RNF214: variants seen among roughly 807,000 people sequenced by gnomAD.
RNF214 encodes the protein ring finger protein 214.
In RNF214, 25 loss-of-function variants were observed where a neutral mutation model predicts 75.9. The observed-to-expected ratio is 0.33, with a 90% confidence interval of 0.24 to 0.46. The LOEUF is 0.46. RNF214 is among the 20% of genes least tolerant of loss of function. The pLI, the probability that RNF214 is intolerant of heterozygous loss-of-function variation, is 1.00. For synonymous variants in RNF214, 314 were observed against 308.8 expected (o/e 1.02, Z -0.18); for missense variants, 725 against 857.5 (o/e 0.85, Z 1.93).
chr11:117,255,284 T>G (rs1236557012), intron 6 of RNF214, among the ~76,000 whole-genome samples: 1 of 152,196 alleles, frequency 6.6e-6, no homozygotes, highest in East Asian at 1.9e-4. Flanking sequence ...TCCTTGTATC[T>G]GAGTCTATAA....
At chr11:117,253,650 T>G (rs752890112) in intron 6 of RNF214, among the ~76,000 whole-genome samples, 5 of 152,032 alleles carry the variant, frequency 3.3e-5, no homozygotes, top group Non-Finnish European at 7.4e-5. Flanking sequence ...GAGACCAGCC[T>G]GGGCAATATA....
intron 9 of RNF214, 38 bp downstream of exon 9, chr11:117,281,442 G>C (rs367870044): frequency 2.8e-5 from 43 of 1,513,728 alleles, no homozygotes; most frequent in Middle Eastern, 1.7e-4. Flanking sequence ...GTCAGTGTTA[G>C]TCTGTGCTTA....
Position 117,238,728 on chromosome 11 carries a change from G to A in RNF214, c.235G>A (p.Gly79Ser), listed in dbSNP as rs749153248. 3 of 1,614,194 alleles carry A rather than the reference G, an allele frequency of 1.9e-6. No individual in the cohort carries two copies. Among genetic ancestry groups the A allele is most frequent in the Non-Finnish European group, 2.5e-6 (3 of 1,180,040 alleles). The change falls in exon 3 of 15, where the codon GGT becomes AGT. Residue 79 changes from glycine to serine, a missense_variant. Around this residue, in one of 2 missense-constraint regions of RNF214, gnomAD observed 362 missense variants for 344.5 expected, o/e 1.05. Transcript: ENST00000300650. ...HSEQNPGSSA[G>S]DTSAAHQVVL... ...AGAGCAGAATCCTGGTTCATCAGCA[G>A]GTGACACCTCAGCAGCGCACCAGGT...
At chr11:117,274,945 CTG>C (rs566235865) in intron 6 of RNF214, among the ~76,000 whole-genome samples, 139 of 152,122 alleles carry the variant, frequency 9.1e-4, no homozygotes, top group African/African-American at 3.2e-3. Flanking sequence ...CCAGAAACAA[CTG>C]AGATTACAGG....
chr11:117,232,983 C>T (rs1371690211), intron 1 of RNF214, among the ~76,000 whole-genome samples: 5 of 151,866 alleles, frequency 3.3e-5, no homozygotes, highest in Admixed American at 1.3e-4. Flanking sequence ...TAGCAGTCCC[C>T]TGTGGGGGGT....
intron 6 of RNF214, among the ~76,000 whole-genome samples, chr11:117,278,973 C>T (rs182770140): frequency 3.3e-5 from 5 of 152,162 alleles, no homozygotes; most frequent in Non-Finnish European, 7.4e-5. Context: ...GGCTTGTGTC[C>T]GTAGTCCCAG....
chr11:117,238,040 G>A (rs902515599), intron 2 of RNF214, among the ~76,000 whole-genome samples: 10 of 152,116 alleles, frequency 6.6e-5, no homozygotes, highest in Non-Finnish European at 1.3e-4. Context: ...TAATTCATCG[G>A]TATCCCCAAA....
chr11:117,270,623 T>G (rs1391924083), intron 6 of RNF214, among the ~76,000 whole-genome samples: 1 of 151,484 alleles, frequency 6.6e-6, no homozygotes, highest in Non-Finnish European at 1.5e-5. Flanking sequence ...AATTTTTGTA[T>G]TTTTAGTACA....
intron 6 of RNF214, among the ~76,000 whole-genome samples, chr11:117,267,329 T>C (rs2033817512): frequency 6.6e-6 from 1 of 152,164 alleles, no homozygotes; most frequent in South Asian, 2.1e-4. Flanking sequence ...ATCACCTTCT[T>C]CTTGGAGGTT....
chr11:117,247,969 T>G (rs2033272190), intron 6 of RNF214, among the ~76,000 whole-genome samples: 1 of 152,234 alleles, frequency 6.6e-6, no homozygotes, highest in South Asian at 2.1e-4. Flanking sequence ...AGTAACATTG[T>G]AAGCTGTTTG....
chr11:117,274,658 C>T (rs183266310), intron 6 of RNF214, among the ~76,000 whole-genome samples: 6 of 145,352 alleles, frequency 4.1e-5, no homozygotes, highest in Admixed American at 2.8e-4. Flanking sequence ...CGTGAGCGAC[C>T]GTGCCCAGCC....
At chr11:117,276,917 A>T (rs2034026069) in intron 6 of RNF214, among the ~76,000 whole-genome samples, 1 of 152,226 alleles carries the variant, frequency 6.6e-6, no homozygotes, top group African/African-American at 2.4e-5. Context: ...GGCTAGATGG[A>T]TTGACTCTGT....
intron 6 of RNF214, among the ~76,000 whole-genome samples, chr11:117,277,783 C>A (rs2034042954): frequency 6.6e-6 from 1 of 151,626 alleles, no homozygotes; most frequent in South Asian, 2.1e-4. Context: ...ACCAGCCTGG[C>A]CAACATGGCA....
At chr11:117,272,147 G>A (rs1368695959) in intron 6 of RNF214, among the ~76,000 whole-genome samples, 3 of 152,056 alleles carry the variant, frequency 2.0e-5, no homozygotes, top group African/African-American at 7.2e-5. Flanking sequence ...AATCACTAGA[G>A]CCCATGAGTT....
intron 6 of RNF214, among the ~76,000 whole-genome samples, chr11:117,269,514 C>T (rs1253228379): frequency 1.3e-5 from 2 of 152,120 alleles, no homozygotes; most frequent in African/African-American, 4.8e-5. Flanking sequence ...AGGTGTGTGC[C>T]ACCATGCCCT....
In RNF214 at chr11:117,238,857, A is replaced by G. The variant is rs201091154; in HGVS notation, c.364A>G (p.Thr122Ala). Residue 122 changes from threonine (T) to alanine (A), a missense_variant, in exon 3 of 15, where the codon ACA (threonine) becomes GCA (alanine). Physicochemically the swap from Thr to Ala is moderately conservative, Grantham distance 58. Around this residue, in one of 2 missense-constraint regions of RNF214, gnomAD observed 362 missense variants for 344.5 expected, o/e 1.05. Transcript: ENST00000300650. ...VASTAGEEGDTSLRESLHPVT... is the reference protein window; with the variant it reads ...VASTAGEEGDASLRESLHPVT... ...CAGCACAGCAGGAGAGGAGGGGGAC[A>G]CAAGCCTTCGGGAGAGCCTCCATCC... 5 of 1,614,098 alleles carry G rather than the reference A, an allele frequency of 3.1e-6. No homozygotes were observed. In the African/African-American group the frequency reaches 4.0e-5, roughly 13 times the overall value.
rs1016882935 is a variant in RNF214 at position 117,247,334 on chromosome 11, A to T, written c.959+386A>T. On this transcript the variant is annotated intron_variant, in intron 6 of 14. Coordinates refer to ENST00000300650, the MANE Select transcript of RNF214 (RefSeq NM_207343.4). ...GCAAGACCCCCTCTCTACAAAAAAT[A>T]TTAAAAAAAAATTAGCTGGTTGTGG... is the stretch of plus-strand genomic sequence containing the variant. Among the ~76,000 whole-genome samples, 24 of 152,050 alleles carry T rather than the reference A, an allele frequency of 1.6e-4. 1 individual carries two copies. The highest frequency in any genetic ancestry group is 6.6e-5 in the Admixed American group (1 of 15,262).
chr11:117,255,135 T>A (rs927373311), intron 6 of RNF214, among the ~76,000 whole-genome samples: 3 of 152,266 alleles, frequency 2.0e-5, no homozygotes, highest in Admixed American at 6.5e-5. Context: ...TCTCTCTTTC[T>A]AAACTTCCTG....
chr11:117,255,923 A>T (rs917825468), intron 6 of RNF214, among the ~76,000 whole-genome samples: 11 of 152,170 alleles, frequency 7.2e-5, no homozygotes, highest in African/African-American at 2.7e-4. Context: ...ATAGTTCTGT[A>T]TAGTATTTAG....
Sources: allele counts gnomAD v4.1 joint callset (sites outside exome capture counted in the v4.1 genomes callset), GRCh38; gene constraint gnomAD v4.1.1; regional missense constraint gnomAD v4.1.1; transcripts MANE v1.5; gene names NCBI Gene and HGNC (gene_info 2026-07-23, HGNC 2026-07-21).